Variants in KLHL32 observed in about 807,000 individuals in gnomAD.
KLHL32 encodes kelch like family member 32.
A neutral mutation model predicts 64.8 loss-of-function variants in KLHL32; 35 were observed. That is an observed-to-expected ratio of 0.54 (90% CI 0.41 to 0.72). The LOEUF is 0.72. KLHL32 is among the 30% of genes least tolerant of loss of function. The pLI is 0.00. For missense variants in KLHL32, 589 were observed against 768.5 expected (o/e 0.77, Z 2.76); for synonymous variants, 259 against 281.0 (o/e 0.92, Z 0.78).
intron 7 of KLHL32, among the ~76,000 whole-genome samples, chr6:97,125,639 G>A (rs1185451537): frequency 6.6e-6 from 1 of 152,086 alleles, no homozygotes; most frequent in Non-Finnish European, 1.5e-5. Flanking sequence ...GACAATTTTG[G>A]TCTCTGTGAT....
At chr6:97,112,876 AATT>A (rs1389591409) in intron 6 of KLHL32, among the ~76,000 whole-genome samples, 4 of 149,592 alleles carry the variant, frequency 2.7e-5, no homozygotes, top group Non-Finnish European at 5.9e-5. Context: ...TTATTTATAA[AATT>A]ATTATAACAA....
chr6:96,946,183 T>A, intron 1 of KLHL32, among the ~76,000 whole-genome samples: 1 of 152,200 alleles, frequency 6.6e-6, no homozygotes, highest in South Asian at 2.1e-4. Context: ...GAAAAAAATA[T>A]TTTAAATATT....
chr6:97,048,882 A>T (rs1006327535), intron 4 of KLHL32, among the ~76,000 whole-genome samples: 10 of 152,244 alleles, frequency 6.6e-5, no homozygotes, highest in African/African-American at 1.9e-4. Context: ...GAAAATTTTT[A>T]AAATGTTTCT....
chr6:97,096,273 A>G (rs1794975395), intron 6 of KLHL32, among the ~76,000 whole-genome samples: 1 of 152,210 alleles, frequency 6.6e-6, no homozygotes, highest in South Asian at 2.1e-4. Context: ...CACAGTGCAC[A>G]CACTTGCAGG....
chr6:96,959,924 G>T (rs1007100632), intron 1 of KLHL32, among the ~76,000 whole-genome samples: 3 of 152,148 alleles, frequency 2.0e-5, no homozygotes, highest in Non-Finnish European at 2.9e-5. Flanking sequence ...GGTCTCTTTA[G>T]CACTTCAGGG....
chr6:96,995,033 A>G (rs958910302), intron 3 of KLHL32, among the ~76,000 whole-genome samples: 6 of 152,208 alleles, frequency 3.9e-5, no homozygotes, highest in African/African-American at 7.2e-5. Flanking sequence ...TATCCATTCT[A>G]TGAACATAGC....
intron 4 of KLHL32, among the ~76,000 whole-genome samples, chr6:97,044,794 G>T (rs929775115): frequency 6.6e-6 from 1 of 151,642 alleles, no homozygotes; most frequent in Middle Eastern, 3.2e-3. Flanking sequence ...CCAATTTTTT[G>T]GTGTATAATT....
chr6:97,102,320 A>G (rs1223182797), intron 6 of KLHL32, among the ~76,000 whole-genome samples: 1 of 152,184 alleles, frequency 6.6e-6, no homozygotes, highest in Non-Finnish European at 1.5e-5. Flanking sequence ...GTAGCTAGGA[A>G]ACAATGGGGG....
chr6:97,119,635 A>G (rs555493883), intron 7 of KLHL32, among the ~76,000 whole-genome samples: 12 of 152,344 alleles, frequency 7.9e-5, no homozygotes, highest in Admixed American at 7.2e-4. Flanking sequence ...CTTGGCAAAA[A>G]GTTAGGATAA....
chr6:97,112,515 C>T (rs560452997), intron 6 of KLHL32, among the ~76,000 whole-genome samples: 66 of 151,502 alleles, frequency 4.4e-4, no homozygotes, highest in African/African-American at 1.6e-3. Flanking sequence ...GGTGGGATCT[C>T]AGCTCACTGT....
chr6:96,901,620 T>G, the KLHL32 span, among the ~76,000 whole-genome samples: 1 of 152,142 alleles, frequency 6.6e-6, no homozygotes, highest in Non-Finnish European at 1.5e-5. Context: ...GGCTTATTGT[T>G]TTGTTCACTA....
At chr6:96,999,567 G>T (rs1778792402) in intron 3 of KLHL32, 1 of 969,118 alleles carries the variant, frequency 1.0e-6, no homozygotes, top group Non-Finnish European at 1.2e-6. Context: ...CAGGTATTAG[G>T]ACCATTTTTT....
intron 6 of KLHL32, among the ~76,000 whole-genome samples, chr6:97,100,772 G>A (rs937093619): frequency 1.3e-5 from 2 of 148,494 alleles, no homozygotes; most frequent in East Asian, 2.0e-4. Context: ...GCCAGTGAAC[G>A]TGCTCTTGTG....
At chr6:97,038,487 C>G (rs1784622775) in intron 3 of KLHL32, among the ~76,000 whole-genome samples, 1 of 151,952 alleles carries the variant, frequency 6.6e-6, no homozygotes, top group Non-Finnish European at 1.5e-5. Context: ...GTTAAAATGG[C>G]TTTTATCAAA....
intron 4 of KLHL32, among the ~76,000 whole-genome samples, chr6:97,054,583 C>G (rs1414528489): frequency 6.6e-6 from 1 of 152,304 alleles, no homozygotes; most frequent in Non-Finnish European, 1.5e-5. Context: ...AAAAGTTGCA[C>G]TAATTCAGGT....
At chr6:97,059,232 T>C (rs1454072700) in intron 4 of KLHL32, among the ~76,000 whole-genome samples, 1 of 152,158 alleles carries the variant, frequency 6.6e-6, no homozygotes, top group African/African-American at 2.4e-5. Flanking sequence ...ATATGGAAAT[T>C]AAAGGAATGA....
intron 10 of KLHL32, among the ~76,000 whole-genome samples, chr6:97,137,820 CCG>C (rs1800208161): frequency 6.6e-6 from 1 of 152,182 alleles, no homozygotes; most frequent in South Asian, 2.1e-4. Flanking sequence ...GCATCAGCCA[CCG>C]CGCCCAGCCT....
chr6:97,038,666 T>C (rs1784648100), intron 3 of KLHL32, among the ~76,000 whole-genome samples: 1 of 152,012 alleles, frequency 6.6e-6, no homozygotes, highest in Non-Finnish European at 1.5e-5. Flanking sequence ...TGAGTATATA[T>C]TCAAAAGAAG....
At chr6:97,111,651 C>T (rs188920054) in intron 6 of KLHL32, among the ~76,000 whole-genome samples, 94 of 152,298 alleles carry the variant, frequency 6.2e-4, no homozygotes, top group Non-Finnish European at 9.4e-4. Context: ...TTATCTTTGC[C>T]ATCTGTGGAT....
Sources: allele counts gnomAD v4.1 joint callset (sites outside exome capture counted in the v4.1 genomes callset), GRCh38; gene constraint gnomAD v4.1.1; transcripts MANE v1.5; gene names NCBI Gene and HGNC (gene_info 2026-07-23, HGNC 2026-07-21).